ATP2A2: variants seen among roughly 807,000 people sequenced by gnomAD.
ATP2A2 encodes sarcoplasmic/endoplasmic reticulum calcium ATPase 2.
In ATP2A2, 14 loss-of-function variants were observed where a neutral mutation model predicts 109.3. That is an observed-to-expected ratio of 0.13 (90% CI 0.08 to 0.20). The LOEUF is 0.20. ATP2A2 is among the 10% of genes least tolerant of loss of function. ATP2A2 has a pLI of 1.00. For synonymous variants in ATP2A2, 506 were observed against 490.9 expected, an observed-to-expected ratio of 1.03 and a Z score of -0.41; for missense variants, 657 against 1,321.6, an observed-to-expected ratio of 0.50 and a Z score of 7.80.
Position 110,346,094 on chromosome 12 carries a change from G to C in ATP2A2, c.2835G>C (p.Leu945=), listed in dbSNP as rs1240090495. ...GCCTGTCCATGTCACTCCACTTCCT[G>C]ATCCTCTATGTCGAACCCTTGCCAG... ...SICLSMSLHF[L]ILYVEPLPLI... The change falls in exon 19 of 20, where the codon CTG becomes CTC. Residue 945 remains leucine (L), a synonymous_variant. Coordinates refer to ENST00000539276, the MANE Select transcript of ATP2A2 (RefSeq NM_170665.4). 6.2e-7 allele frequency: 1 copy of C among 1,614,050 alleles called. No individual in the cohort carries two copies. The highest frequency in any genetic ancestry group is 8.5e-7 in the Non-Finnish European group (1 of 1,180,036).
At position 110,340,570 on chromosome 12, in the gene ATP2A2, CT is replaced by C; in HGVS notation, c.1762-88del. 2 of 1,375,336 alleles carry C rather than the reference CT, an allele frequency of 1.5e-6. No homozygotes were observed. The highest frequency in any genetic ancestry group is 1.2e-5 in the South Asian group (1 of 80,298). 85.2% of individuals were successfully genotyped at this position (1,375,336 alleles called of 1,614,324 possible). A position where few individuals can be genotyped will look rare whatever the true frequency, so the allele number is the denominator to read the frequency against. The stretch of plus-strand genomic sequence containing the variant: ...AAAAAAAGAAAAAAAATGCAGAAAC[CT>C]GTCTCAATGTTTAACTGGGCATTTT... On this transcript the variant is annotated intron_variant, in intron 13 of 19. Transcript: ENST00000539276. The surrounding 1 kb of genome is among the most constrained non-coding windows in gnomAD (Gnocchi z 6.0).
chr12:110,335,532 T>C (rs2137838929), intron 11 of ATP2A2, among the ~76,000 whole-genome samples: 1 of 152,316 alleles, frequency 6.6e-6, no homozygotes, highest in South Asian at 2.1e-4. Context: ...AATTAAGGCC[T>C]GAAGTGGCTA....
In ATP2A2 at chr12:110,281,402, A is replaced by AGTGGTCTGCCGGGCGCCCCCTCC. The variant is rs1872067525; in HGVS notation, c.-387_-365dup. The AGTGGTCTGCCGGGCGCCCCCTCC allele has an allele frequency of 6.6e-6, 1 of 151,410 alleles. No homozygotes were observed. Among genetic ancestry groups the AGTGGTCTGCCGGGCGCCCCCTCC allele is most frequent in the Non-Finnish European group, 1.5e-5 (1 of 67,956 alleles). The allele number at this position is 151,410 out of a possible 1,614,324, so 9.4% of individuals were successfully genotyped here. A position where few individuals can be genotyped will look rare whatever the true frequency, so the allele number is the denominator to read the frequency against. Reference sequence around the variant, plus strand: ...GCCTCCCTCGCCGCGTTCCGCCCTCAGTGGTCTGCCGGGCGCCCCCTCCTC... The same window carrying AGTGGTCTGCCGGGCGCCCCCTCC: ...GCCTCCCTCGCCGCGTTCCGCCCTCAGTGGTCTGCCGGGCGCCCCCTCCGTGGTCTGCCGGGCGCCCCCTCCTC... On this transcript the variant is annotated 5_prime_UTR_variant, in exon 1 of 20. Coordinates refer to ENST00000539276, the MANE Select transcript of ATP2A2 (RefSeq NM_170665.4).
chr12:110,326,397 T>G lies in ATP2A2; in HGVS notation c.552T>G (p.Ser184=), dbSNP rs1277091061. The G allele has an allele frequency of 6.2e-7, 1 of 1,614,022 alleles. No homozygotes were observed. The highest frequency in any genetic ancestry group is 2.2e-5 in the East Asian group (1 of 44,884). The change falls in exon 7 of 20, where the codon TCT becomes TCG. Residue 184 remains serine, a synonymous_variant. Coordinates refer to ENST00000539276, the MANE Select transcript of ATP2A2 (RefSeq NM_170665.4). ...RVDQSILTGE[S]VSVIKHTDPV... ...GTCTCACAACCCGCTTAGGTGAATCTGTCTCTGTCATCAAGCACACTGATC... is the reference window on the plus strand; with the variant it reads ...GTCTCACAACCCGCTTAGGTGAATCGGTCTCTGTCATCAAGCACACTGATC...
chr12:110,347,015 G>T lies in ATP2A2; in HGVS notation c.*545G>T. On this transcript the variant is annotated 3_prime_UTR_variant, in exon 20 of 20. Transcript: ENST00000539276. ...ACTTCCCTCACCCACTTTGGCCTCC[G>T]TTCACCCCACCCCACCCCACCTCTC... 9.1e-7 allele frequency: 1 copy of T among 1,095,922 alleles called. No homozygotes were observed. Among genetic ancestry groups the T allele is most frequent in the Non-Finnish European group, 1.1e-6 (1 of 897,032 alleles). 67.9% of individuals were successfully genotyped at this position (1,095,922 alleles called of 1,614,324 possible). A position where few individuals can be genotyped will look rare whatever the true frequency, so the allele number is the denominator to read the frequency against.
chr12:110,309,025 C>A (rs1875689323), intron 5 of ATP2A2, among the ~76,000 whole-genome samples: 1 of 149,186 alleles, frequency 6.7e-6, no homozygotes, highest in African/African-American at 2.5e-5. Context: ...CTTTAAAATT[C>A]TTTGTCAGCT....
At chr12:110,290,823 C>T (rs1873186500) in intron 3 of ATP2A2, among the ~76,000 whole-genome samples, 1 of 152,040 alleles carries the variant, frequency 6.6e-6, no homozygotes, top group South Asian at 2.1e-4. Context: ...AGGGTGGTCT[C>T]GAATTCCTGA....
chr12:110,293,826 A>ATATGTGTGTGTG (rs1482730636), intron 4 of ATP2A2, among the ~76,000 whole-genome samples: 1 of 108,568 alleles, frequency 9.2e-6, no homozygotes, highest in African/African-American at 3.9e-5. Context: ...TGCCATATAT[A>ATATGTGTGTGTG]TGTGTGTGTG....
At chr12:110,341,053 A>G in intron 14 of ATP2A2, 59 bp downstream of exon 14, 2 of 1,568,954 alleles carry the variant, frequency 1.3e-6, no homozygotes, top group Non-Finnish European at 1.7e-6. Context: ...AGTAGCCTCT[A>G]ATTTTGACCA....
Position 110,346,806 on chromosome 12 carries a change from T to G in ATP2A2, c.*336T>G. ...CCAGCAGACATTGTCAGCAAATTAA[T>G]TGGCAGCAGATTTTAGGAAATGAAT... On this transcript the variant is annotated 3_prime_UTR_variant, in exon 20 of 20. Coordinates refer to ENST00000539276, the MANE Select transcript of ATP2A2 (RefSeq NM_170665.4). The G allele has an allele frequency of 1.8e-6, 2 of 1,141,212 alleles. No individual in the cohort carries two copies. The highest frequency in any genetic ancestry group is 2.2e-6 in the Non-Finnish European group (2 of 924,930). The allele number at this position is 1,141,212 out of a possible 1,614,324, so 70.7% of individuals were successfully genotyped here.
In ATP2A2 at chr12:110,340,538, CAAAAAAAA is replaced by C. The variant is rs936356149; in HGVS notation, c.1762-115_1762-108del. Reference sequence around the variant, plus strand: ...GGGCAACAAGAGCGAAACTCCGCCTCAAAAAAAAAAAAAGAAAAAAAATGCAGAAACCT... The same window carrying C: ...GGGCAACAAGAGCGAAACTCCGCCTCAAAAAGAAAAAAAATGCAGAAACCT... On this transcript the variant is annotated intron_variant, in intron 13 of 19. Coordinates refer to ENST00000539276, the MANE Select transcript of ATP2A2 (RefSeq NM_170665.4). This position sits in a 1 kb window ranked among gnomAD's most constrained non-coding sequence, Gnocchi z 6.0. 3 of 910,644 alleles carry C rather than the reference CAAAAAAAA, an allele frequency of 3.3e-6. No homozygotes were observed. Among genetic ancestry groups the C allele is most frequent in the Non-Finnish European group, 4.6e-6 (3 of 647,662 alleles). The allele number at this position is 910,644 out of a possible 1,614,324, so 56.4% of individuals were successfully genotyped here.
At chr12:110,293,871 T>TATATATATATATA (rs1491495436) in intron 4 of ATP2A2, among the ~76,000 whole-genome samples, 7 of 79,512 alleles carry the variant, frequency 8.8e-5, no homozygotes, top group African/African-American at 2.4e-4. Context: ...TGTGTATATA[T>TATATATATATATA]TTTTTTTTTT....
intron 5 of ATP2A2, among the ~76,000 whole-genome samples, chr12:110,317,002 G>T (rs1214227194): frequency 6.6e-6 from 1 of 152,154 alleles, no homozygotes; most frequent in Non-Finnish European, 1.5e-5. Context: ...CAGATTGGGA[G>T]CAAACCACAG....
In ATP2A2 at chr12:110,312,211, G is replaced by A. The variant is rs565399639; in HGVS notation, c.464-10781G>A. Among the ~76,000 whole-genome samples the A allele has an allele frequency of 5.3e-5, 8 of 151,934 alleles. No individual in the cohort carries two copies. The South Asian group carries it at 1.2e-3, about 24-fold the overall frequency. ...CTCCCAAAAAAAGTTCGGGGGGTGGGGAGCCTTAAGATTTTGCACACTGCT... is the reference window on the plus strand; with the variant it reads ...CTCCCAAAAAAAGTTCGGGGGGTGGAGAGCCTTAAGATTTTGCACACTGCT... On this transcript the variant is annotated intron_variant, in intron 5 of 19. Transcript: ENST00000539276.
intron 3 of ATP2A2, among the ~76,000 whole-genome samples, chr12:110,283,667 T>G (rs184880877): frequency 7.2e-4 from 110 of 152,372 alleles, no homozygotes; most frequent in Non-Finnish European, 1.3e-3. Context: ...CTAATTCTAA[T>G]AGCATGAGAT....
chr12:110,311,194 T>C (rs1488906663), intron 5 of ATP2A2, among the ~76,000 whole-genome samples: 1 of 152,218 alleles, frequency 6.6e-6, no homozygotes, highest in Admixed American at 6.5e-5. Flanking sequence ...GTAGTCAGTC[T>C]GCTGTAGAGC....
chr12:110,339,761 A>G lies in ATP2A2; in HGVS notation c.1761+40A>G. 6.3e-7 allele frequency: 1 copy of G among 1,592,920 alleles called. No homozygotes were observed. The highest frequency in any genetic ancestry group is 8.6e-7 in the Non-Finnish European group (1 of 1,162,112). ...AGTTTCTTTGTCCACACCCTGCACGATTCATTGTGTTTAAACAGTACTCCT... is the reference window on the plus strand; with the variant it reads ...AGTTTCTTTGTCCACACCCTGCACGGTTCATTGTGTTTAAACAGTACTCCT... On this transcript the variant is annotated intron_variant, in intron 13 of 19. Transcript: ENST00000539276. The surrounding 1 kb of genome is among the most constrained non-coding windows in gnomAD (Gnocchi z 4.4).
intron 18 of ATP2A2, 29 bp downstream of exon 18, chr12:110,345,411 C>A: frequency 6.2e-7 from 1 of 1,613,980 alleles, no homozygotes; most frequent in Non-Finnish European, 8.5e-7. Context: ...CAGGCTGAGG[C>A]GAGCATGGTG....
At chr12:110,324,766 G>A (rs142009981) in intron 6 of ATP2A2, among the ~76,000 whole-genome samples, 21 of 152,050 alleles carry the variant, frequency 1.4e-4, no homozygotes, top group Admixed American at 2.6e-4. Context: ...GGGAGGCTGC[G>A]GCAGTAGGAT....
Sources: gnomAD v4.1 joint callset for allele counts (sites outside exome capture counted in the v4.1 genomes callset) on GRCh38, gnomAD v4.1.1 for gene constraint, Gnocchi (gnomAD v3.1) non-coding constraint, MANE v1.5 for transcripts, NCBI Gene and HGNC (gene_info 2026-07-23, HGNC 2026-07-21) for gene names.